Variants in LIG3 observed in about 807,000 individuals in gnomAD.
The protein encoded by LIG3 is ligase II, DNA, ATP-dependent.
A neutral mutation model predicts 110.9 loss-of-function variants in LIG3; 58 were observed. The ratio of observed to expected loss-of-function variants is 0.52; its 90% CI spans 0.42 to 0.65. The LOEUF is 0.65. Ranked by LOEUF, LIG3 falls within the 30% of genes least tolerant of loss-of-function variation. The pLI, the probability that LIG3 is intolerant of heterozygous loss-of-function variation, is 0.00. For missense variants in LIG3, 1,094 were observed against 1,273.8 expected (o/e 0.86, Z 2.15); for synonymous variants, 422 against 472.8 (o/e 0.89, Z 1.39).
Position 35,004,514 on chromosome 17 carries a change from G to A in LIG3, c.*8G>A. 1 of 1,607,074 alleles carries A rather than the reference G, an allele frequency of 6.2e-7. No homozygotes were observed. The highest frequency in any genetic ancestry group is 1.3e-5 in the African/African-American group (1 of 74,934). On this transcript the variant is annotated 3_prime_UTR_variant, in exon 20 of 20. Transcript: ENST00000378526. ...CTGGTAGCTCCCTGCTAGGTTTGCT[G>A]TCTTCCCTCTCCCTCAGGCCATACT...
intron 3 of LIG3, among the ~76,000 whole-genome samples, chr17:34,987,686 A>C (rs548819731): frequency 1.3e-5 from 2 of 152,354 alleles, no homozygotes; most frequent in East Asian, 3.9e-4. Flanking sequence ...ATGAAGCAGC[A>C]GTGGCCTCTC....
chr17:34,981,679 G>A (rs1005523510), intron 1 of LIG3: 1 of 152,182 alleles, frequency 6.6e-6, no homozygotes, highest in African/African-American at 2.4e-5. Context: ...CTTATTCCAG[G>A]TCCACCAGCT....
intron 2 of LIG3, among the ~76,000 whole-genome samples, chr17:34,985,571 T>C (rs117244076): frequency 6.2e-4 from 94 of 152,340 alleles, no homozygotes; most frequent in Non-Finnish European, 7.5e-4. Flanking sequence ...TAGGTTGACA[T>C]GCTCTGTGAT....
rs144307769 is a variant in LIG3, at chr17:34,983,072, C to T, written c.67C>T (p.Leu23=). Reference sequence around the variant, plus strand: ...TGCACTCAGCCGAAAAGAACTGTGCCTATTCCGAAAACATCACTGGCGTGA... The same window carrying T: ...TGCACTCAGCCGAAAAGAACTGTGCTTATTCCGAAAACATCACTGGCGTGA... The part of the protein sequence containing the change: ...LRALSRKELC[L]FRKHHWRDVR... The change falls in exon 2 of 20, where the codon CTA becomes TTA. Residue 23 remains leucine (L), a synonymous_variant. Transcript: ENST00000378526. The T allele has an allele frequency of 1.9e-4, 309 of 1,613,668 alleles. No individual in the cohort carries two copies. In the African/African-American group the frequency reaches 3.8e-3, roughly 20 times the overall value.
chr17:35,001,325 C>G lies in LIG3; in HGVS notation c.2400C>G (p.Ile800Met). Residue 800 changes from isoleucine to methionine, a missense_variant, in exon 17 of 20, where the codon ATC becomes ATG. Coordinates refer to ENST00000378526, the MANE Select transcript of LIG3 (RefSeq NM_013975.4). ...CGGAGGCTCATACAGCTGACGGGATCTCCATCCGATTCCCTCGCTGCACCC... is the reference window on the plus strand; with the variant it reads ...CGGAGGCTCATACAGCTGACGGGATGTCCATCCGATTCCCTCGCTGCACCC... ...SKSEAHTADG[I>M]SIRFPRCTRI... 1 of 1,614,160 alleles carries G rather than the reference C, an allele frequency of 6.2e-7. No individual in the cohort carries two copies. Among genetic ancestry groups the G allele is most frequent in the Non-Finnish European group, 8.5e-7 (1 of 1,179,996 alleles).
chr17:34,994,537 TTTG>T (rs752918997), intron 9 of LIG3, 106 bp downstream of exon 9: 21 of 1,160,466 alleles, frequency 1.8e-5, no homozygotes, highest in Non-Finnish European at 2.2e-5. Context: ...ACAATAAGGG[TTTG>T]TTTTTTATTT....
intron 13 of LIG3, 122 bp from the exon 14 acceptor site, chr17:34,998,482 C>T: frequency 7.7e-7 from 1 of 1,295,056 alleles, no homozygotes; most frequent in Non-Finnish European, 1.1e-6. Context: ...TGCCTGGAGC[C>T]TGAGGGCTCT....
rs373227751 is a variant in LIG3 at position 34,992,698 on chromosome 17, G to C, written c.1455+6G>C. On this transcript the variant is annotated splice_donor_region_variant and intron_variant, in intron 8 of 19. Coordinates refer to ENST00000378526, the MANE Select transcript of LIG3 (RefSeq NM_013975.4). Reference sequence around the variant, plus strand: ...CACCTGTGCAGCCCATGTTGGTGAGGAGTGCTCCCCTGCCTCTGCTTTCCA... The same window carrying C: ...CACCTGTGCAGCCCATGTTGGTGAGCAGTGCTCCCCTGCCTCTGCTTTCCA... 6.4e-6 allele frequency: 10 copies of C among 1,573,098 alleles called. No homozygotes were observed. The African/African-American group carries it at 1.2e-4, about 19-fold the overall frequency.
chr17:34,986,072 C>T lies in LIG3; in HGVS notation c.632C>T (p.Pro211Leu), dbSNP rs1312979216. The change falls in exon 3 of 20, where the codon CCA becomes CTA. Residue 211 changes from proline (P) to leucine (L), a missense_variant. Pro to Leu is a moderately conservative substitution (Grantham distance 98, BLOSUM62 -3). Coordinates refer to ENST00000378526, the MANE Select transcript of LIG3 (RefSeq NM_013975.4). ...ACAACCACTGGCCAGGTGACTTCTC[C>T]AGTGAAAGGCGCCTCATTTGTCACC... is the stretch of plus-strand genomic sequence containing the variant. ...KLTTTGQVTS[P>L]VKGASFVTST... 2 of 1,614,026 alleles carry T rather than the reference C, an allele frequency of 1.2e-6. No homozygotes were observed. The highest frequency in any genetic ancestry group is 2.7e-5 in the African/African-American group (2 of 74,912).
At chr17:35,003,254 C>G in intron 19 of LIG3, 1 of 1,185,310 alleles carries the variant, frequency 8.4e-7, no homozygotes. Context: ...GAGCCTTTTC[C>G]CTGTTACATT....
chr17:34,993,091 A>G (rs756562628), intron 8 of LIG3, among the ~76,000 whole-genome samples: 4 of 152,178 alleles, frequency 2.6e-5, no homozygotes, highest in Non-Finnish European at 4.4e-5. Context: ...TGCAAAGTAG[A>G]TCTGAGAGTT....
chr17:34,998,149 G>A (rs1300488869), intron 12 of LIG3, 70 bp from the exon 13 acceptor site: 1 of 1,177,092 alleles, frequency 8.5e-7, no homozygotes, highest in South Asian at 1.4e-5. Context: ...TGTGTGAAAA[G>A]GAACAACCCC....
chr17:34,999,048 C>T (rs371437051), intron 14 of LIG3: 2 of 520,134 alleles, frequency 3.8e-6, no homozygotes, highest in Non-Finnish European at 6.8e-6. Context: ...GGAACTAATA[C>T]TTTTAAGCAA....
rs367543498 is a variant in LIG3 at position 34,996,666 on chromosome 17, G to C, written c.1823+13G>C. 1.2e-4 allele frequency: 189 copies of C among 1,607,572 alleles called. No individual in the cohort carries two copies. The highest frequency in any genetic ancestry group is 1.6e-4 in the Non-Finnish European group (186 of 1,174,518). The stretch of plus-strand genomic sequence containing the variant: ...GCTTGATGGACAGGTGAGTTGGCTA[G>C]CATCTTTAAACCCAGAAACTGCCAG... On this transcript the variant is annotated intron_variant, in intron 11 of 19. Transcript: ENST00000378526.
chr17:35,004,606 G>A lies in LIG3; in HGVS notation c.*100G>A. 1 of 986,278 alleles carries A rather than the reference G, an allele frequency of 1.0e-6. No individual in the cohort carries two copies. Among genetic ancestry groups the A allele is most frequent in the Non-Finnish European group, 1.5e-6 (1 of 653,170 alleles). The allele number at this position is 986,278 out of a possible 1,614,324, so 61.1% of individuals were successfully genotyped here. ...GATAGACACAGTATAGGGGGAATGG[G>A]CTTGCTTCTCCCAAACCCACCAGTT... On this transcript the variant is annotated 3_prime_UTR_variant, in exon 20 of 20. Transcript: ENST00000378526.
chr17:35,001,222 TA>T, intron 16 of LIG3, 34 bp from the exon 17 acceptor site: 1 of 1,606,316 alleles, frequency 6.2e-7, no homozygotes, highest in Non-Finnish European at 8.5e-7. Flanking sequence ...ACTATCTTCT[TA>T]ACCAGTGATG....
intron 3 of LIG3, among the ~76,000 whole-genome samples, chr17:34,987,464 G>C (rs1289359375): frequency 6.6e-6 from 1 of 152,184 alleles, no homozygotes; most frequent in Non-Finnish European, 1.5e-5. Flanking sequence ...CTGTGTTGCT[G>C]CTTTTATTGT....
At chr17:34,994,597 T>C (rs1029442903) in intron 9 of LIG3, among the ~76,000 whole-genome samples, 166 bp downstream of exon 9, 1 of 152,340 alleles carries the variant, frequency 6.6e-6, no homozygotes. Context: ...CTTCCCATAA[T>C]GAAGGGCTGC....
chr17:34,985,862 C>A, intron 2 of LIG3, 126 bp from the exon 3 acceptor site: 1 of 888,520 alleles, frequency 1.1e-6, no homozygotes, highest in Non-Finnish European at 1.7e-6. Context: ...CACCAGCCAG[C>A]CTTGGGCTAG....
Sources: allele counts gnomAD v4.1 joint callset (sites outside exome capture counted in the v4.1 genomes callset), GRCh38; gene constraint gnomAD v4.1.1; transcripts MANE v1.5; gene names NCBI Gene and HGNC (gene_info 2026-07-23, HGNC 2026-07-21).